LRRC28: variants seen among roughly 807,000 people sequenced by gnomAD.
The protein encoded by LRRC28 is leucine rich repeat containing 28.
LRRC28 carries 39 observed loss-of-function variants against 45.7 expected under a neutral mutation model. The observed-to-expected ratio is 0.85, with a 90% confidence interval of 0.66 to 1.12. LRRC28 has a LOEUF of 1.12. LRRC28 is among the 50% of genes most tolerant of loss of function. The pLI, the probability that LRRC28 is intolerant of heterozygous loss-of-function variation, is 0.00. For missense variants in LRRC28, 435 were observed against 438.5 expected, an observed-to-expected ratio of 0.99 and a Z score of 0.07; for synonymous variants, 206 against 178.8, an observed-to-expected ratio of 1.15 and a Z score of -1.22.
intron 5 of LRRC28, among the ~76,000 whole-genome samples, chr15:99,324,285 G>A (rs982270666): frequency 6.6e-6 from 1 of 152,086 alleles, no homozygotes; most frequent in Non-Finnish European, 1.5e-5. Flanking sequence ...ACTTACGGAC[G>A]GTTAATTTTT....
At chr15:99,262,592 T>G (rs2081228727) in intron 2 of LRRC28, among the ~76,000 whole-genome samples, 1 of 152,146 alleles carries the variant, frequency 6.6e-6, no homozygotes, top group Non-Finnish European at 1.5e-5. Flanking sequence ...AAAAAAAATT[T>G]TTTTAAAGCA....
chr15:99,352,121 G>A (rs551187740), intron 6 of LRRC28, among the ~76,000 whole-genome samples: 12 of 152,196 alleles, frequency 7.9e-5, no homozygotes, highest in Admixed American at 3.9e-4. Context: ...GATTTTACAG[G>A]GTCCACACGT....
At position 99,260,886 on chromosome 15, in the gene LRRC28, C is replaced by T. The variant is rs191755648; in HGVS notation, c.168+4761C>T. 1.3e-3 allele frequency among the ~76,000 whole-genome samples: 193 copies of T among 152,266 alleles called. 2 individuals are homozygous for T. Among genetic ancestry groups the T allele is most frequent in the South Asian group, 5.8e-3 (28 of 4,824 alleles). On this transcript the variant is annotated intron_variant, in intron 2 of 9. Coordinates refer to ENST00000301981, the MANE Select transcript of LRRC28 (RefSeq NM_144598.5). The stretch of plus-strand genomic sequence containing the variant: ...AACAAGCTTGGGAATCTGTCAGTCA[C>T]TTCCATTTTCATGTTGTTTTTGTGT...
intron 3 of LRRC28, chr15:99,285,444 G>T (rs2081931830): frequency 3.7e-6 from 3 of 813,402 alleles, no homozygotes; most frequent in Admixed American, 3.5e-5. Context: ...GATCTCCCAT[G>T]ACCACACAGT....
chr15:99,273,529 G>A (rs1277902012), intron 2 of LRRC28, among the ~76,000 whole-genome samples: 1 of 151,046 alleles, frequency 6.6e-6, no homozygotes, highest in Non-Finnish European at 1.5e-5. Context: ...GAGCCACCGT[G>A]CCCGGCCGTG....
At chr15:99,306,098 G>T (rs544395045) in intron 5 of LRRC28, among the ~76,000 whole-genome samples, 1 of 152,202 alleles carries the variant, frequency 6.6e-6, no homozygotes, top group South Asian at 2.1e-4. Flanking sequence ...ACATTGCCTT[G>T]GTATCTCTAA....
At chr15:99,347,652 C>T (rs1956737638) in intron 6 of LRRC28, among the ~76,000 whole-genome samples, 1 of 152,120 alleles carries the variant, frequency 6.6e-6, no homozygotes, top group African/African-American at 2.4e-5. Context: ...TGTATATGTA[C>T]CACATTTCTT....
intron 9 of LRRC28, among the ~76,000 whole-genome samples, chr15:99,380,365 C>A (rs1957781556): frequency 6.6e-6 from 1 of 152,122 alleles, no homozygotes; most frequent in Non-Finnish European, 1.5e-5. Context: ...GCAACCCTTG[C>A]CTTTTTTTGT....
intron 9 of LRRC28, among the ~76,000 whole-genome samples, chr15:99,364,313 C>A (rs1957285192): frequency 6.6e-6 from 1 of 152,224 alleles, no homozygotes; most frequent in African/African-American, 2.4e-5. Context: ...AGGTATTCAA[C>A]AAATGGTAGT....
In LRRC28 at chr15:99,333,993, G is replaced by C; in HGVS notation, c.456G>C (p.Arg152Ser). Reference protein sequence around the residue: ...STNRLLTLPERLHMCLSLQYL... With the variant: ...STNRLLTLPESLHMCLSLQYL... ...ATCGTTTGCTAACTTTACCCGAGAG[G>C]CTTCACATGTGCCTTTCTCTGCAGT... is the stretch of plus-strand genomic sequence containing the variant. The change falls in exon 6 of 10, where the codon AGG becomes AGC. Residue 152 changes from arginine (R) to serine (S), a missense_variant. By Grantham distance (110) the Arg-to-Ser change is moderately radical. Coordinates refer to ENST00000301981, the MANE Select transcript of LRRC28 (RefSeq NM_144598.5). 1.2e-6 allele frequency: 2 copies of C among 1,614,080 alleles called. No homozygotes were observed. The highest frequency in any genetic ancestry group is 1.1e-5 in the South Asian group (1 of 91,076).
intron 6 of LRRC28, among the ~76,000 whole-genome samples, chr15:99,350,228 C>T (rs1269143722): frequency 6.6e-6 from 1 of 151,154 alleles, no homozygotes; most frequent in Admixed American, 6.6e-5. Flanking sequence ...AATTTAAAAA[C>T]GTGATGTTTT....
chr15:99,370,664 G>C (rs1957460363), intron 9 of LRRC28, among the ~76,000 whole-genome samples: 1 of 152,148 alleles, frequency 6.6e-6, no homozygotes, highest in African/African-American at 2.4e-5. Context: ...GAAAAGGAAA[G>C]ATTGTTATGG....
intron 2 of LRRC28, chr15:99,259,491 C>T: frequency 8.7e-7 from 1 of 1,142,872 alleles, no homozygotes; most frequent in South Asian, 1.2e-5. Flanking sequence ...AAAGATAAAG[C>T]CATTAAGGAC....
In LRRC28 at chr15:99,287,431, A is replaced by T. The variant is rs2081988779; in HGVS notation, c.247+137A>T. 17 of 587,184 alleles carry T rather than the reference A, an allele frequency of 2.9e-5. No individual in the cohort carries two copies. In the Admixed American group the frequency reaches 3.9e-4, roughly 13 times the overall value. 36.4% of individuals were successfully genotyped at this position (587,184 alleles called of 1,614,324 possible). A position where few individuals can be genotyped will look rare whatever the true frequency, so the allele number is the denominator to read the frequency against. ...TTTTCTTCTAATAAGTCCAGTTAAG[A>T]ACTATAATTAAATAAATCTAAAATG... On this transcript the variant is annotated intron_variant, in intron 4 of 9. Transcript: ENST00000301981.
At chr15:99,302,405 G>A (rs188541548) in intron 5 of LRRC28, among the ~76,000 whole-genome samples, 34 of 146,616 alleles carry the variant, frequency 2.3e-4, no homozygotes, top group Non-Finnish European at 4.2e-4. Context: ...TTTTTGAGAT[G>A]GGCAATAAGT....
intron 6 of LRRC28, among the ~76,000 whole-genome samples, chr15:99,348,689 G>A (rs1300050038): frequency 6.6e-6 from 1 of 150,878 alleles, no homozygotes; most frequent in Admixed American, 6.6e-5. Flanking sequence ...GAAGTGAGAT[G>A]CCTCCAGTTT....
intron 6 of LRRC28, among the ~76,000 whole-genome samples, chr15:99,336,185 T>G (rs554141130): frequency 8.3e-4 from 126 of 152,342 alleles, no homozygotes; most frequent in East Asian, 5.4e-3. Flanking sequence ...GGCCAGGTAC[T>G]CTGTTTAATT....
rs79750321 is a variant in LRRC28 at position 99,252,770 on chromosome 15, T to C, written c.-61+1229T>C. Among the ~76,000 whole-genome samples the C allele has an allele frequency of 9.8e-3, 1,486 of 152,310 alleles. 20 individuals are homozygous for C. Among genetic ancestry groups the C allele is most frequent in the African/African-American group, 0.033 (1,383 of 41,556 alleles). ...AGATATTAGAAGGCCTACTTTAAAA[T>C]TTTAAGTCCCTGGATACATGTGCAG... On this transcript the variant is annotated intron_variant, in intron 1 of 9. Coordinates refer to ENST00000301981, the MANE Select transcript of LRRC28 (RefSeq NM_144598.5).
rs1168511222 is a variant in LRRC28 at position 99,386,453 on chromosome 15, T to TA, written c.*352dup. The TA allele has an allele frequency of 4.7e-5, 9 of 191,560 alleles. No individual in the cohort carries two copies. Among genetic ancestry groups the TA allele is most frequent in the Non-Finnish European group, 8.3e-5 (8 of 96,256 alleles). 11.9% of individuals were successfully genotyped at this position (191,560 alleles called of 1,614,324 possible). On this transcript the variant is annotated 3_prime_UTR_variant, in exon 10 of 10. Coordinates refer to ENST00000301981, the MANE Select transcript of LRRC28 (RefSeq NM_144598.5). ...AGCCAGATTCCCTTTTGAACACACA[T>TA]ACCTTCAGTGATGCTTCCTCTCCTC...
Sources: gnomAD v4.1 joint callset for allele counts (sites outside exome capture counted in the v4.1 genomes callset) on GRCh38, gnomAD v4.1.1 for gene constraint, MANE v1.5 for transcripts, NCBI Gene and HGNC (gene_info 2026-07-23, HGNC 2026-07-21) for gene names.